AGPS: variants seen among roughly 807,000 people sequenced by gnomAD.
The protein encoded by AGPS is alkylglycerone phosphate synthase.
AGPS carries 26 observed loss-of-function variants against 90.7 expected under a neutral mutation model. The ratio of observed to expected loss-of-function variants is 0.29; its 90% CI spans 0.21 to 0.40. The LOEUF is 0.40. AGPS is among the 10% of genes least tolerant of loss of function. The pLI is 1.00. For missense variants in AGPS, 540 were observed against 816.1 expected, an observed-to-expected ratio of 0.66 and a Z score of 4.12; for synonymous variants, 294 against 285.3, an observed-to-expected ratio of 1.03 and a Z score of -0.31.
intron 19 of AGPS, among the ~76,000 whole-genome samples, chr2:177,531,968 A>G (rs1221857634): frequency 6.6e-6 from 1 of 152,204 alleles, no homozygotes; most frequent in East Asian, 1.9e-4. Context: ...ATACCTATAC[A>G]AAAATTTAAC....
intron 18 of AGPS, 60 bp from the exon 19 acceptor site, chr2:177,523,688 T>A: frequency 6.1e-6 from 9 of 1,483,224 alleles, no homozygotes; most frequent in Non-Finnish European, 8.5e-6. Context: ...TGGGTCTTTT[T>A]CTTTCACTGC....
chr2:177,478,825 C>T (rs1055395558), intron 10 of AGPS, among the ~76,000 whole-genome samples: 6 of 151,476 alleles, frequency 4.0e-5, no homozygotes, highest in East Asian at 1.9e-4. Context: ...TTAGGGGGAG[C>T]GCAAGAGGGG....
At chr2:177,424,930 T>A (rs1258270072) in intron 2 of AGPS, among the ~76,000 whole-genome samples, 3 of 152,166 alleles carry the variant, frequency 2.0e-5, no homozygotes, top group African/African-American at 7.2e-5. Flanking sequence ...TGGGGTTGGT[T>A]TTTTCTTGTA....
intron 9 of AGPS, among the ~76,000 whole-genome samples, chr2:177,464,572 C>A (rs964287947): frequency 2.0e-5 from 3 of 152,164 alleles, no homozygotes; most frequent in African/African-American, 7.2e-5. Context: ...ATGGGATATA[C>A]TTTTCATCTT....
At chr2:177,521,434 A>G in intron 18 of AGPS, 66 bp downstream of exon 18, 4 of 1,314,052 alleles carry the variant, frequency 3.0e-6, no homozygotes, top group Non-Finnish European at 4.4e-6. Flanking sequence ...TTTACTGTCA[A>G]TTTATGAATT....
rs764254438 is a variant in AGPS, at chr2:177,499,676, G to A, written c.1421G>A (p.Arg474His). 10 of 1,611,884 alleles carry A rather than the reference G, an allele frequency of 6.2e-6. No individual in the cohort carries two copies. Among genetic ancestry groups the A allele is most frequent in the East Asian group, 2.2e-5 (1 of 44,744 alleles). Reference protein sequence around the residue: ...SVATLLFEGDREKVLQHEKQV... With the variant: ...SVATLLFEGDHEKVLQHEKQV... ...GCCACATTACTGTTTGAGGGGGATC[G>A]TGAGAAGGTTCTTCAACATGAAAAA... Residue 474 changes from arginine to histidine, a missense_variant, in exon 14 of 20, where the codon CGT becomes CAT. By Grantham distance (29) the Arg-to-His change is conservative. Coordinates refer to ENST00000264167, the MANE Select transcript of AGPS (RefSeq NM_003659.4).
rs2079207443 is a variant in AGPS at position 177,538,905 on chromosome 2, TG to T, written c.*711del. ...AACCTATTGTTATATTCTAATTCAT[TG>T]ATAATATGTTTTGTAAGAAAAGCTG... On this transcript the variant is annotated 3_prime_UTR_variant, in exon 20 of 20. Transcript: ENST00000264167. 6.6e-6 allele frequency: 1 copy of T among 152,028 alleles called. No homozygotes were observed. Among genetic ancestry groups the T allele is most frequent in the Non-Finnish European group, 1.5e-5 (1 of 67,946 alleles). The allele number at this position is 152,028 out of a possible 1,614,324, so 9.4% of individuals were successfully genotyped here.
At chr2:177,475,787 A>AT (rs1687763470) in intron 10 of AGPS, among the ~76,000 whole-genome samples, 1 of 151,884 alleles carries the variant, frequency 6.6e-6, no homozygotes, top group Admixed American at 6.6e-5. Flanking sequence ...ACATATTTTT[A>AT]TTTTTGGGGG....
intron 7 of AGPS, among the ~76,000 whole-genome samples, chr2:177,444,406 G>A (rs1686706360): frequency 7.7e-6 from 1 of 130,146 alleles, no homozygotes. Flanking sequence ...GGGTGACAGA[G>A]CAAGACTCTG....
chr2:177,478,995 G>A (rs1464406932), intron 10 of AGPS, among the ~76,000 whole-genome samples: 2 of 152,104 alleles, frequency 1.3e-5, no homozygotes, highest in Admixed American at 1.3e-4. Flanking sequence ...TGCAAATAAA[G>A]TCATTTCCAT....
Position 177,414,610 on chromosome 2 carries a change from A to G in AGPS, c.261-5659A>G, listed in dbSNP as rs139574741. On this transcript the variant is annotated intron_variant, in intron 1 of 19. Transcript: ENST00000264167. ...TATAGTTGAAGCTGTTTAATTCATA[A>G]TGGAATTCTATCATTCAAAAAAATT... 6.0e-3 allele frequency among the ~76,000 whole-genome samples: 909 copies of G among 152,292 alleles called. 8 individuals carry two copies. Among genetic ancestry groups the G allele is most frequent in the Non-Finnish European group, 0.011 (721 of 68,014 alleles).
In AGPS at chr2:177,507,601, C is replaced by T. The variant is rs140048242; in HGVS notation, c.1546-369C>T. ...TACTCCTTTGATCTTGACTAATTTT[C>T]GATATTGGTTAATTTACTATTTATG... On this transcript the variant is annotated intron_variant, in intron 15 of 19. Transcript: ENST00000264167. Among the ~76,000 whole-genome samples, 158 of 152,236 alleles carry T rather than the reference C, an allele frequency of 1.0e-3. 1 individual carries two copies. Among genetic ancestry groups the T allele is most frequent in the African/African-American group, 3.7e-3 (153 of 41,552 alleles).
In AGPS at chr2:177,429,297, A is replaced by C. The variant is rs1686169723; in HGVS notation, c.351-5030A>C. Among the ~76,000 whole-genome samples, 2 of 152,140 alleles carry C rather than the reference A, an allele frequency of 1.3e-5. 1 individual carries two copies. Among genetic ancestry groups the C allele is most frequent in the South Asian group, 4.1e-4 (2 of 4,832 alleles). ...GAAGTTCGTTATTACCCACCATCTG[A>C]AGCCTACTTCTGTGATTTCAACCAT... On this transcript the variant is annotated intron_variant, in intron 2 of 19. Coordinates refer to ENST00000264167, the MANE Select transcript of AGPS (RefSeq NM_003659.4).
chr2:177,452,212 G>A (rs1262312054), intron 8 of AGPS, among the ~76,000 whole-genome samples: 1 of 152,150 alleles, frequency 6.6e-6, no homozygotes, highest in Non-Finnish European at 1.5e-5. Context: ...GACTTATAAT[G>A]TAATTCAGGT....
chr2:177,469,951 A>T (rs1687564332), intron 10 of AGPS, among the ~76,000 whole-genome samples: 1 of 152,230 alleles, frequency 6.6e-6, no homozygotes, highest in Non-Finnish European at 1.5e-5. Context: ...AAATTACATG[A>T]TCAAGTAAAA....
intron 10 of AGPS, among the ~76,000 whole-genome samples, chr2:177,477,970 C>CT (rs1290024735): frequency 6.6e-6 from 1 of 152,084 alleles, no homozygotes; most frequent in Non-Finnish European, 1.5e-5. Context: ...CAAAAGTGCT[C>CT]TTTTTTGTAT....
At chr2:177,421,991 GGTGTGTGTGTATGT>G (rs1685953876) in intron 2 of AGPS, among the ~76,000 whole-genome samples, 1 of 151,628 alleles carries the variant, frequency 6.6e-6, no homozygotes, top group Non-Finnish European at 1.5e-5. Flanking sequence ...TATATGAGAA[GGTGTGTGTGTATGT>G]GTGTGTGTGT....
chr2:177,468,932 A>G (rs1232032078), intron 10 of AGPS, among the ~76,000 whole-genome samples: 3 of 152,060 alleles, frequency 2.0e-5, no homozygotes, highest in Non-Finnish European at 4.4e-5. Context: ...TATAAAATTA[A>G]TTACTATTAG....
chr2:177,500,219 CAG>C (rs1688519811), intron 14 of AGPS, among the ~76,000 whole-genome samples: 1 of 151,948 alleles, frequency 6.6e-6, no homozygotes, highest in Non-Finnish European at 1.5e-5. Flanking sequence ...TATAAAGAAA[CAG>C]AAAACATTTC....
Sources: allele counts gnomAD v4.1 joint callset (sites outside exome capture counted in the v4.1 genomes callset), GRCh38; gene constraint gnomAD v4.1.1; transcripts MANE v1.5; gene names NCBI Gene and HGNC (gene_info 2026-07-23, HGNC 2026-07-21).